The following LPIN2 variants were observed in gnomAD, a reference collection of about 807,000 sequenced individuals.
LPIN2 encodes the protein phosphatidate phosphatase LPIN2.
Under a neutral mutation model 111.4 loss-of-function variants are expected in LPIN2, and 55 were observed. The observed-to-expected ratio is 0.49, with a 90% CI of 0.40 to 0.62. LPIN2 has a LOEUF of 0.62. Among genes scored for constraint, LPIN2 ranks in the 20% least tolerant of loss-of-function variants. The pLI, the probability that LPIN2 is intolerant of heterozygous loss-of-function variation, is 0.00. For synonymous variants in LPIN2, 425 were observed against 414.0 expected, an observed-to-expected ratio of 1.03 and a Z score of -0.32; for missense variants, 992 against 1,112.1, an observed-to-expected ratio of 0.89 and a Z score of 1.54.
At chr18:3,004,816 C>T (rs1314095352) in intron 1 of LPIN2, among the ~76,000 whole-genome samples, 1 of 152,136 alleles carries the variant, frequency 6.6e-6, no homozygotes, top group Non-Finnish European at 1.5e-5. Context: ...CCAGTCTCAG[C>T]CCAGCGATAT....
chr18:2,923,895 G>C (rs2077092988), intron 15 of LPIN2, 34 bp from the exon 16 acceptor site: 1 of 1,548,986 alleles, frequency 6.5e-7, no homozygotes, highest in Non-Finnish European at 8.9e-7. Context: ...AAAGCTATCA[G>C]GAATCAAACA....
intron 1 of LPIN2, among the ~76,000 whole-genome samples, chr18:2,982,004 T>C (rs1048855811): frequency 1.3e-5 from 2 of 152,228 alleles, no homozygotes; most frequent in Non-Finnish European, 2.9e-5. Context: ...AGTTACACTG[T>C]CCTCAAGTCA....
In LPIN2 at chr18:2,999,468, G is replaced by A. The variant is rs561467920; in HGVS notation, c.-10+13619C>T. 1.5e-4 allele frequency among the ~76,000 whole-genome samples: 23 copies of A among 152,184 alleles called. No individual in the cohort carries two copies. In the South Asian group the frequency reaches 1.7e-3, roughly 11 times the overall value. On this transcript the variant is annotated intron_variant, in intron 1 of 19. Transcript: ENST00000677752. ...AAAAAAAAAAAAATTAGCCGGGCGC[G>A]GTTGCAGGCGCCTGTAGTCCCAGCT...
chr18:2,991,588 T>C lies in LPIN2; in HGVS notation c.-10+21499A>G, dbSNP rs374767800. Among the ~76,000 whole-genome samples, 10 of 152,250 alleles carry C rather than the reference T, an allele frequency of 6.6e-5. No individual in the cohort carries two copies. The East Asian group carries it at 1.9e-3, about 29-fold the overall frequency. On this transcript the variant is annotated intron_variant, in intron 1 of 19. Transcript: ENST00000677752. ...TGAGCCAGGTGTGGTGTTGTACACC[T>C]ATAATCACAGCTCCTGAGAAGGCTG... is the stretch of plus-strand genomic sequence containing the variant.
At chr18:2,924,009 G>C in intron 15 of LPIN2, 148 bp from the exon 16 acceptor site, 1 of 730,378 alleles carries the variant, frequency 1.4e-6, no homozygotes, top group Admixed American at 2.0e-5. Flanking sequence ...CAACTGCAAG[G>C]CCATCCCATG....
At chr18:2,944,937 T>C (rs1242434692) in intron 4 of LPIN2, among the ~76,000 whole-genome samples, 1 of 152,194 alleles carries the variant, frequency 6.6e-6, no homozygotes, top group Non-Finnish European at 1.5e-5. Context: ...AATGTAAGTT[T>C]TGACATAATT....
At chr18:3,012,658 G>A (rs1316756269) in intron 1 of LPIN2, among the ~76,000 whole-genome samples, 1 of 152,192 alleles carries the variant, frequency 6.6e-6, no homozygotes, top group Non-Finnish European at 1.5e-5. Context: ...CCGGGGGCGG[G>A]ATGGAGACGC....
At chr18:2,982,893 G>A (rs1261566579) in intron 1 of LPIN2, 56 of 344,680 alleles carry the variant, frequency 1.6e-4, no homozygotes, top group East Asian at 1.7e-4. Context: ...AAAACTGAAA[G>A]GAAATGGTTC....
intron 1 of LPIN2, among the ~76,000 whole-genome samples, chr18:2,989,864 G>A (rs2078239096): frequency 6.6e-6 from 1 of 150,916 alleles, no homozygotes; most frequent in Admixed American, 6.6e-5. Flanking sequence ...AAGCTGCAGT[G>A]AGCTGAGATT....
At chr18:2,950,765 G>C (rs75289672) in intron 4 of LPIN2, 609 of 449,224 alleles carry the variant, frequency 1.4e-3, no homozygotes, top group Non-Finnish European at 2.1e-3. Flanking sequence ...GCTCACCGAG[G>C]GGCAAATCAC....
At chr18:2,942,383 C>T (rs1406489192) in intron 4 of LPIN2, among the ~76,000 whole-genome samples, 1 of 152,128 alleles carries the variant, frequency 6.6e-6, no homozygotes, top group Non-Finnish European at 1.5e-5. Flanking sequence ...TTTATTTGCC[C>T]ACTCTGAAAG....
intron 1 of LPIN2, among the ~76,000 whole-genome samples, chr18:2,966,493 C>A (rs1465857308): frequency 6.6e-6 from 1 of 152,158 alleles, no homozygotes; most frequent in Non-Finnish European, 1.5e-5. Flanking sequence ...CCAAGGTCAG[C>A]ACACTATTAA....
At chr18:2,966,517 T>C (rs2143254545) in intron 1 of LPIN2, among the ~76,000 whole-genome samples, 2 of 152,314 alleles carry the variant, frequency 1.3e-5, no homozygotes, top group Admixed American at 1.3e-4. Context: ...GCAGAGTTAA[T>C]ATTCAAACTC....
chr18:2,937,730 T>G lies in LPIN2; in HGVS notation c.1130A>C (p.Lys377Thr). 6.2e-7 allele frequency: 1 copy of G among 1,614,128 alleles called. No individual in the cohort carries two copies. Among genetic ancestry groups the G allele is most frequent in the African/African-American group, 1.3e-5 (1 of 75,028 alleles). Residue 377 changes from lysine to threonine, a missense_variant, in exon 7 of 20, where the codon AAA becomes ACA. Physicochemically the swap from Lys to Thr is moderately conservative, Grantham distance 78. Coordinates refer to ENST00000677752, the MANE Select transcript of LPIN2 (RefSeq NM_001375808.2). ...CGGCGAGTCTACTTTAGCTGCCGGTTTGGATTCTGAGGGCGCCTCCGCTAA... is the reference window on the plus strand; with the variant it reads ...CGGCGAGTCTACTTTAGCTGCCGGTGTGGATTCTGAGGGCGCCTCCGCTAA... ...AALAEAPSES[K>T]PAAKVDSPSK...
chr18:2,982,728 A>G, intron 1 of LPIN2: 1 of 1,303,752 alleles, frequency 7.7e-7, no homozygotes, highest in Non-Finnish European at 1.0e-6. Context: ...ATGAGCCTTT[A>G]CAAACCACCT....
chr18:2,946,007 G>A, intron 4 of LPIN2: 1 of 1,379,390 alleles, frequency 7.2e-7, no homozygotes, highest in Non-Finnish European at 1.0e-6. Context: ...ACTCCAGAAT[G>A]ATATACACAG....
chr18:2,979,983 G>A (rs1174559974), intron 1 of LPIN2, among the ~76,000 whole-genome samples: 1 of 152,106 alleles, frequency 6.6e-6, no homozygotes, highest in Admixed American at 6.5e-5. Flanking sequence ...CTGCGCTTAA[G>A]GAACCATCAC....
chr18:2,944,413 G>A (rs1288387846), intron 4 of LPIN2, among the ~76,000 whole-genome samples: 4 of 123,122 alleles, frequency 3.2e-5, no homozygotes, highest in East Asian at 5.1e-4. Context: ...GTGCAGTGGC[G>A]CAATCTCAGC....
intron 1 of LPIN2, among the ~76,000 whole-genome samples, chr18:2,995,511 G>T (rs1050235253): frequency 6.6e-6 from 1 of 152,144 alleles, no homozygotes; most frequent in African/African-American, 2.4e-5. Flanking sequence ...ACCTCTGAAG[G>T]CTACAATAAA....
Sources: allele counts gnomAD v4.1 joint callset (sites outside exome capture counted in the v4.1 genomes callset), GRCh38; gene constraint gnomAD v4.1.1; transcripts MANE v1.5; gene names NCBI Gene and HGNC (gene_info 2026-07-23, HGNC 2026-07-21).